The following ZNF83 variants were observed in gnomAD, a reference collection of about 807,000 sequenced individuals.
The protein encoded by ZNF83 is zinc finger protein 816B.
For missense variants in ZNF83, 552 were observed against 629.9 expected (o/e 0.88, Z 1.32); for synonymous variants, 209 against 213.0 (o/e 0.98, Z 0.17).
intron 2 of ZNF83, chr19:52,660,696 T>G (rs539852275): frequency 5.8e-6 from 1 of 171,976 alleles, no homozygotes; most frequent in African/African-American, 2.4e-5. Flanking sequence ...CACGGAAGTC[T>G]GCCTACTACA....
intron 3 of ZNF83, chr19:52,654,205 G>C (rs189205111): frequency 6.3e-7 from 1 of 1,592,122 alleles, no homozygotes; most frequent in African/African-American, 1.3e-5. Context: ...TTTGATTTTT[G>C]TCATGGGTGC....
intron 2 of ZNF83, chr19:52,618,688 C>G (rs538778798): frequency 4.5e-6 from 3 of 661,296 alleles, no homozygotes; most frequent in Non-Finnish European, 7.0e-6. Context: ...TGAGTCACCA[C>G]GCCTTGCCAG....
chr19:52,624,093 G>A (rs967008433), intron 2 of ZNF83, among the ~76,000 whole-genome samples: 6 of 151,770 alleles, frequency 4.0e-5, no homozygotes, highest in Admixed American at 6.6e-5. Context: ...CTGTACTGCC[G>A]CAAGGCTTCC....
intron 1 of ZNF83, chr19:52,636,415 A>G (rs627792): frequency 0.8 from 121,759 of 151,990 alleles, 49,462 homozygotes; most frequent in African/African-American, 0.94. Context: ...AAAAGGGAAC[A>G]GAGTGACTCA....
chr19:52,642,315 C>G (rs866615278), upstream of ZNF83, among the ~76,000 whole-genome samples: 55 of 114,708 alleles, frequency 4.8e-4, no homozygotes, highest in African/African-American at 1.8e-3. Flanking sequence ...CTTGCCCAAG[C>G]TGGAGTGCAG....
At chr19:52,624,272 G>T (rs894628133) in intron 2 of ZNF83, among the ~76,000 whole-genome samples, 2 of 151,974 alleles carry the variant, frequency 1.3e-5, no homozygotes, top group African/African-American at 4.8e-5. Flanking sequence ...TTCTCCAAAG[G>T]ATATCAGGTA....
intron 3 of ZNF83, among the ~76,000 whole-genome samples, chr19:52,646,238 A>C (rs1737931958): frequency 6.6e-6 from 1 of 152,048 alleles, no homozygotes; most frequent in South Asian, 2.1e-4. Context: ...CCATGGTTTG[A>C]TATTCCTTTA....
chr19:52,637,771 C>T lies in ZNF83; in HGVS notation c.-322+541G>A, dbSNP rs73934587. On this transcript the variant is annotated intron_variant, in intron 1 of 2. Coordinates refer to ENST00000301096, the Ensembl canonical transcript of ZNF83. ...ACACCCCGTGTCACAGGACAGGCCC[C>T]GGGTACCTCCCCAACGCGGGTTCAG... 9.6e-3 allele frequency among the ~76,000 whole-genome samples: 1,460 copies of T among 152,250 alleles called. 24 individuals are homozygous for T. Among genetic ancestry groups the T allele is most frequent in the African/African-American group, 0.033 (1,357 of 41,542 alleles).
chr19:52,652,609 T>C (rs563386319), intron 3 of ZNF83: 4 of 445,722 alleles, frequency 9.0e-6, no homozygotes, highest in South Asian at 5.3e-5. Flanking sequence ...CTATGAACAA[T>C]GTCTGAAATA....
intron 1 of ZNF83, among the ~76,000 whole-genome samples, chr19:52,685,542 T>C (rs112997235): frequency 0.16 from 24,782 of 152,048 alleles, 2,137 homozygotes; most frequent in Middle Eastern, 0.22. Context: ...GTAATTGACC[T>C]TGAAAACAGG....
At chr19:52,633,648 GCCTGTAATT>G (rs1185332128) in intron 2 of ZNF83, among the ~76,000 whole-genome samples, 4 of 152,204 alleles carry the variant, frequency 2.6e-5, no homozygotes, top group Non-Finnish European at 5.9e-5. Flanking sequence ...GGTGGCTCAT[GCCTGTAATT>G]CCAGCACTTC....
chr19:52,638,390 C>CTGGGCGGGACCCGCGAGG (rs2061227123), upstream of ZNF83: 1 of 149,060 alleles, frequency 6.7e-6, no homozygotes, highest in African/African-American at 2.5e-5. Context: ...GAAGCCAGGT[C>CTGGGCGGGACCCGCGAGG]TGGGCGGGGC....
chr19:52,619,689 G>A (rs561964483), intron 2 of ZNF83, among the ~76,000 whole-genome samples: 1 of 151,986 alleles, frequency 6.6e-6, no homozygotes, highest in East Asian at 1.9e-4. Flanking sequence ...GTATCTAGAT[G>A]AGATAGAGCA....
chr19:52,634,057 G>C lies in ZNF83; in HGVS notation c.-234+1009C>G, dbSNP rs1036155132. 5.3e-5 allele frequency among the ~76,000 whole-genome samples: 8 copies of C among 152,052 alleles called. 1 individual carries two copies. Among genetic ancestry groups the C allele is most frequent in the African/African-American group, 1.9e-4 (8 of 41,406 alleles). On this transcript the variant is annotated intron_variant, in intron 2 of 2. Transcript: ENST00000301096. Reference sequence around the variant, plus strand: ...GGCTGAGGCAGAAGGATCACCTGAGGTCAGGACTTCGAGACCAGCCTGGCC... The same window carrying C: ...GGCTGAGGCAGAAGGATCACCTGAGCTCAGGACTTCGAGACCAGCCTGGCC...
intron 2 of ZNF83, among the ~76,000 whole-genome samples, chr19:52,634,452 T>C (rs1326141854): frequency 6.6e-6 from 1 of 152,164 alleles, no homozygotes; most frequent in Non-Finnish European, 1.5e-5. Context: ...CTAAGAATGG[T>C]TTAAAGAATC....
chr19:52,668,264 A>G (rs1053362333), intron 1 of ZNF83, among the ~76,000 whole-genome samples: 1 of 152,186 alleles, frequency 6.6e-6, no homozygotes, highest in African/African-American at 2.4e-5. Flanking sequence ...ACTGCTGTTC[A>G]TACAGCAGAA....
intron 3 of ZNF83, chr19:52,652,413 CAA>C (rs2061454010): frequency 2.7e-6 from 1 of 364,190 alleles, no homozygotes; most frequent in African/African-American, 2.2e-5. Context: ...CCAGCCTGGA[CAA>C]AAGAGTAAGA....
rs150493201 is a variant in ZNF83, at chr19:52,664,585, G to A, written c.-282-3742C>T. Among the ~76,000 whole-genome samples the A allele has an allele frequency of 4.8e-3, 734 of 152,252 alleles. 12 individuals carry two copies. Among genetic ancestry groups the A allele is most frequent in the African/African-American group, 0.017 (711 of 41,554 alleles). On this transcript the variant is annotated intron_variant, in intron 1 of 5. Transcript: ENST00000594682. ...AATTAACACGAACTTTTAAGTCCAC[G>A]CCATCTGCTTCTGGGTCTGTGCCAA...
chr19:52,664,732 T>A (rs1440904186), intron 1 of ZNF83, among the ~76,000 whole-genome samples: 3 of 56,868 alleles, frequency 5.3e-5, no homozygotes, highest in Admixed American at 5.4e-4. Context: ...GGGTGGGGCA[T>A]GAAGGACAAG....
Sources: gnomAD v4.1 joint callset for allele counts (sites outside exome capture counted in the v4.1 genomes callset) on GRCh38, gnomAD v4.1.1 for gene constraint, MANE v1.5 for transcripts, NCBI Gene and HGNC (gene_info 2026-07-23, HGNC 2026-07-21) for gene names.